The following RRAS2 variants were observed in gnomAD, a reference collection of about 807,000 sequenced individuals.
RRAS2 encodes ras-related protein R-Ras2.
Under a neutral mutation model 27.6 loss-of-function variants are expected in RRAS2, and 7 were observed. The ratio of observed to expected loss-of-function variants is 0.25; its 90% CI spans 0.14 to 0.48. The LOEUF (loss-of-function observed/expected upper bound fraction) is 0.48. Ranked by LOEUF, RRAS2 falls within the 20% of genes least tolerant of loss-of-function variation. The pLI is 0.99. For missense variants in RRAS2, 178 were observed against 256.2 expected (o/e 0.69, Z 2.08); for synonymous variants, 86 against 90.9 (o/e 0.95, Z 0.31).
chr11:14,279,895 G>C (rs1412369966), intron 5 of RRAS2, among the ~76,000 whole-genome samples: 1 of 152,178 alleles, frequency 6.6e-6, no homozygotes, highest in Non-Finnish European at 1.5e-5. Context: ...CACAGCTGTT[G>C]TGAGGATTAA....
chr11:14,306,193 A>C (rs1310026485), intron 1 of RRAS2, among the ~76,000 whole-genome samples: 1 of 151,912 alleles, frequency 6.6e-6, no homozygotes, highest in Non-Finnish European at 1.5e-5. Context: ...GGCCATTTGT[A>C]TATCTTCTTT....
In RRAS2 at chr11:14,358,631, T is replaced by C. The variant is rs1849134736; in HGVS notation, c.108+132A>G. On this transcript the variant is annotated intron_variant, in intron 1 of 5. Transcript: ENST00000256196. The surrounding 1 kb of genome is among the most constrained non-coding windows in gnomAD (Gnocchi z 5.1). Reference sequence around the variant, plus strand: ...CAGGAGCGTAGTCGGCCCCGCGCCCTCCCGCCCCCTGGCCCCGGCCCGGGC... The same window carrying C: ...CAGGAGCGTAGTCGGCCCCGCGCCCCCCCGCCCCCTGGCCCCGGCCCGGGC... The C allele has an allele frequency of 2.1e-6, 2 of 969,632 alleles. No individual in the cohort carries two copies. The highest frequency in any genetic ancestry group is 1.8e-5 in the African/African-American group (1 of 56,338). The allele number at this position is 969,632 out of a possible 1,614,324, so 60.1% of individuals were successfully genotyped here.
In RRAS2 at chr11:14,359,025, G is replaced by A; in HGVS notation, c.-155C>T. 1.8e-6 allele frequency: 2 copies of A among 1,127,254 alleles called. No individual in the cohort carries two copies. The highest frequency in any genetic ancestry group is 2.2e-6 in the Non-Finnish European group (2 of 921,888). The allele number at this position is 1,127,254 out of a possible 1,614,324, so 69.8% of individuals were successfully genotyped here. A position where few individuals can be genotyped will look rare whatever the true frequency, so the allele number is the denominator to read the frequency against. The stretch of plus-strand genomic sequence containing the variant: ...GGCGTCTGGAGGGCCGGTCAGCGCG[G>A]TAGCGCGGCGCTGGGGACTGGCTGG... On this transcript the variant is annotated 5_prime_UTR_variant, in exon 1 of 6. Transcript: ENST00000256196.
chr11:14,355,289 G>A (rs1245200606), intron 1 of RRAS2, among the ~76,000 whole-genome samples: 1 of 152,052 alleles, frequency 6.6e-6, no homozygotes, highest in African/African-American at 2.4e-5. Context: ...AAGTCACCTG[G>A]GTAGAGAGAC....
At chr11:14,295,988 C>A (rs949017308) in intron 1 of RRAS2, 133 bp from the exon 2 acceptor site, 1 of 642,372 alleles carries the variant, frequency 1.6e-6, no homozygotes, top group African/African-American at 1.9e-5. Context: ...GCCTGGGCAA[C>A]ACAGCAAGAC....
At chr11:14,280,831 CAG>C (rs1384647782) in intron 5 of RRAS2, among the ~76,000 whole-genome samples, 3 of 144,862 alleles carry the variant, frequency 2.1e-5, no homozygotes, top group East Asian at 4.0e-4. Context: ...GAGTATGAAA[CAG>C]GGGCCAGGCA....
chr11:14,305,493 C>A (rs1035767396), intron 1 of RRAS2, among the ~76,000 whole-genome samples: 1 of 152,194 alleles, frequency 6.6e-6, no homozygotes, highest in Non-Finnish European at 1.5e-5. Context: ...AGAGGGAAAG[C>A]TTGTCTTTGG....
upstream of RRAS2, among the ~76,000 whole-genome samples, chr11:14,363,291 T>C (rs781898622): frequency 3.9e-5 from 6 of 152,206 alleles, no homozygotes; most frequent in Non-Finnish European, 7.3e-5. Context: ...TATGACAATG[T>C]TCTCCACGAA....
intron 1 of RRAS2, among the ~76,000 whole-genome samples, chr11:14,304,159 C>T (rs905237693): frequency 2.0e-5 from 3 of 152,196 alleles, no homozygotes; most frequent in African/African-American, 7.2e-5. Flanking sequence ...GATTTGTATA[C>T]TAAACCTTTC....
rs563975478 is a variant in RRAS2 at position 14,293,095 on chromosome 11, G to A, written c.408+1376C>T. 4.4e-4 allele frequency among the ~76,000 whole-genome samples: 58 copies of A among 130,874 alleles called. No individual in the cohort carries two copies. In the South Asian group the frequency reaches 4.5e-3, roughly 10 times the overall value. 85.9% of individuals were successfully genotyped at this position (130,874 alleles called of 152,430 possible). ...TGCACTCCAGCCTGGGCGACAGAAC[G>A]AGACTCCGTCTCAAAACAAAACAAA... On this transcript the variant is annotated intron_variant, in intron 4 of 5. Coordinates refer to ENST00000256196, the MANE Select transcript of RRAS2 (RefSeq NM_012250.6).
chr11:14,320,919 G>A (rs1402296798), intron 1 of RRAS2, among the ~76,000 whole-genome samples: 5 of 152,104 alleles, frequency 3.3e-5, no homozygotes, highest in Admixed American at 3.3e-4. Flanking sequence ...AGTGGCTCAC[G>A]CCTATAATCC....
At chr11:14,333,771 G>A (rs1295360399) in intron 1 of RRAS2, among the ~76,000 whole-genome samples, 2 of 151,378 alleles carry the variant, frequency 1.3e-5, no homozygotes, top group African/African-American at 4.9e-5. Flanking sequence ...TGTTTCCCAA[G>A]TAGCTGCAAC....
At chr11:14,351,926 G>A (rs1357014474) in intron 1 of RRAS2, among the ~76,000 whole-genome samples, 2 of 149,380 alleles carry the variant, frequency 1.3e-5, no homozygotes, top group African/African-American at 4.9e-5. Flanking sequence ...GACAGCAAAT[G>A]CCCTGGTTTT....
intron 4 of RRAS2, among the ~76,000 whole-genome samples, chr11:14,292,543 A>G (rs1847427501): frequency 6.6e-6 from 1 of 152,188 alleles, no homozygotes; most frequent in African/African-American, 2.4e-5. Context: ...AACATCAATA[A>G]ATATAATCAG....
intron 1 of RRAS2, among the ~76,000 whole-genome samples, chr11:14,343,677 T>C (rs1848766550): frequency 2.0e-5 from 3 of 149,010 alleles, no homozygotes; most frequent in Admixed American, 1.3e-4. Context: ...CCAAAAAAAA[T>C]ACAAAAATTA....
At chr11:14,362,222 C>G (rs1049426837), upstream of RRAS2, among the ~76,000 whole-genome samples, 6 of 152,038 alleles carry the variant, frequency 3.9e-5, no homozygotes, top group Admixed American at 1.3e-4. Flanking sequence ...TTTATTGTGT[C>G]TGTATTATGT....
At chr11:14,280,726 C>CAAAAAAAAAAAAAAAAAAA (rs58781581) in intron 5 of RRAS2, among the ~76,000 whole-genome samples, 1 of 48,330 alleles carries the variant, frequency 2.1e-5, no homozygotes, top group African/African-American at 1.0e-4. Context: ...ACTCTGTTTC[C>CAAAAAAAAAAAAAAAAAAA]AAAAAAAAAA....
At chr11:14,347,241 G>A (rs1554954169) in intron 1 of RRAS2, among the ~76,000 whole-genome samples, 1 of 152,130 alleles carries the variant, frequency 6.6e-6, no homozygotes. Context: ...AAACCAGGTA[G>A]AATGATAGAA....
intron 1 of RRAS2, among the ~76,000 whole-genome samples, chr11:14,348,898 G>A (rs1442041281): frequency 1.3e-5 from 2 of 152,154 alleles, no homozygotes; most frequent in East Asian, 1.9e-4. Flanking sequence ...GACAGAAGTG[G>A]AAAAAGATGT....
Sources: allele counts gnomAD v4.1 joint callset (sites outside exome capture counted in the v4.1 genomes callset), GRCh38; gene constraint gnomAD v4.1.1; non-coding constraint Gnocchi (gnomAD v3.1); transcripts MANE v1.5; gene names NCBI Gene and HGNC (gene_info 2026-07-23, HGNC 2026-07-21).